Variants in SHANK2 observed in about 807,000 individuals in gnomAD.
The protein encoded by SHANK2 is SH3 and multiple ankyrin repeat domains protein 2.
SHANK2 carries 43 observed loss-of-function variants against 133.7 expected under a neutral mutation model. That is an observed-to-expected ratio of 0.32 (90% CI 0.25 to 0.41). The LOEUF is 0.41. Ranked by LOEUF, SHANK2 falls within the 10% of genes least tolerant of loss-of-function variation. SHANK2 has a pLI of 1.00. For missense variants in SHANK2, 1,994 were observed against 2,235.8 expected (o/e 0.89, Z 2.18); for synonymous variants, 1,017 against 952.8 (o/e 1.07, Z -1.24).
chr11:71,210,501 C>T (rs1489108718), intron 2 of SHANK2, among the ~76,000 whole-genome samples: 4 of 151,808 alleles, frequency 2.6e-5, no homozygotes, highest in African/African-American at 9.7e-5. Context: ...CCACCCACCT[C>T]GGCCTCCCAA....
intron 17 of SHANK2, among the ~76,000 whole-genome samples, chr11:70,632,823 C>T (rs782009032): frequency 4.2e-4 from 64 of 152,098 alleles, no homozygotes; most frequent in African/African-American, 1.5e-3. Context: ...GAAGGTAACT[C>T]GGGGGAAGAG....
chr11:70,824,222 C>T (rs1555056737), intron 11 of SHANK2, among the ~76,000 whole-genome samples: 4 of 152,028 alleles, frequency 2.6e-5, no homozygotes, highest in African/African-American at 7.3e-5. Flanking sequence ...GGAGACAGAG[C>T]TAGAGCCAAG....
intron 8 of SHANK2, among the ~76,000 whole-genome samples, chr11:71,089,616 T>C (rs1042291744): frequency 5.5e-4 from 83 of 150,682 alleles, no homozygotes; most frequent in African/African-American, 1.8e-3. Flanking sequence ...CGTTTGTGGC[T>C]GATGAGCACC....
At chr11:70,682,715 A>T in intron 15 of SHANK2, among the ~76,000 whole-genome samples, 1 of 152,184 alleles carries the variant, frequency 6.6e-6, no homozygotes, top group East Asian at 1.9e-4. Flanking sequence ...GCCACAGAGA[A>T]GGAGGCCTGG....
intron 11 of SHANK2, among the ~76,000 whole-genome samples, chr11:70,860,562 C>T (rs1209563117): frequency 6.6e-6 from 1 of 152,202 alleles, no homozygotes; most frequent in Non-Finnish European, 1.5e-5. Context: ...GGGACTCAGT[C>T]TTGCTTTTCT....
At chr11:71,205,435 C>T (rs1479243890) in intron 2 of SHANK2, among the ~76,000 whole-genome samples, 1 of 152,242 alleles carries the variant, frequency 6.6e-6, no homozygotes, top group Non-Finnish European at 1.5e-5. Flanking sequence ...AGAACCTCCA[C>T]CCTCCAGCTC....
At chr11:70,763,720 G>C (rs1947045091) in intron 14 of SHANK2, among the ~76,000 whole-genome samples, 1 of 152,180 alleles carries the variant, frequency 6.6e-6, no homozygotes, top group South Asian at 2.1e-4. Flanking sequence ...CTGCAATAAA[G>C]AGCAGGCAGG....
intron 18 of SHANK2, 61 bp downstream of exon 18, chr11:70,502,735 G>GCCCCCCCCCCCCCCC: frequency 2.4e-6 from 1 of 418,836 alleles, no homozygotes; most frequent in Non-Finnish European, 3.8e-6. Context: ...TGTCCTGCCC[G>GCCCCCCCCCCCCCCC]CCCCCACCCC....
At chr11:71,225,307 C>T (rs545122510) in intron 1 of SHANK2, among the ~76,000 whole-genome samples, 2 of 152,298 alleles carry the variant, frequency 1.3e-5, no homozygotes, top group East Asian at 3.9e-4. Context: ...AGATTTCCAC[C>T]CTGTGTGGCT....
chr11:71,181,372 G>A (rs1555113727), intron 2 of SHANK2, among the ~76,000 whole-genome samples: 1 of 152,158 alleles, frequency 6.6e-6, no homozygotes, highest in African/African-American at 2.4e-5. Context: ...GGTGACATGT[G>A]CCTGCAGACC....
chr11:70,802,148 C>A (rs1948060039), intron 13 of SHANK2, among the ~76,000 whole-genome samples: 1 of 152,146 alleles, frequency 6.6e-6, no homozygotes, highest in Non-Finnish European at 1.5e-5. Context: ...CCTGGGAAAC[C>A]TGGCTAGAAA....
chr11:70,741,278 TCCA>T (rs1555034710), intron 14 of SHANK2, among the ~76,000 whole-genome samples: 1 of 150,842 alleles, frequency 6.6e-6, no homozygotes, highest in African/African-American at 2.4e-5. Context: ...CATCCATCCA[TCCA>T]TTCATCCATC....
At chr11:70,884,707 G>A (rs1247223692) in intron 11 of SHANK2, among the ~76,000 whole-genome samples, 2 of 152,136 alleles carry the variant, frequency 1.3e-5, no homozygotes, top group South Asian at 2.1e-4. Context: ...TGTAGAACAC[G>A]ATGGGTATCT....
At chr11:70,722,661 A>G (rs1037335250) in intron 14 of SHANK2, among the ~76,000 whole-genome samples, 1 of 152,336 alleles carries the variant, frequency 6.6e-6, no homozygotes, top group African/African-American at 2.4e-5. Flanking sequence ...CAATGTGTCT[A>G]TTAGAGGTGA....
At chr11:70,741,245 ATCC>A (rs1555034693) in intron 14 of SHANK2, among the ~76,000 whole-genome samples, 1 of 143,860 alleles carries the variant, frequency 7.0e-6, no homozygotes, top group African/African-American at 2.5e-5. Flanking sequence ...CCATCCATCC[ATCC>A]ATCCATCCAT....
intron 2 of SHANK2, among the ~76,000 whole-genome samples, chr11:71,213,951 A>G (rs1481846581): frequency 6.6e-6 from 1 of 152,036 alleles, no homozygotes; most frequent in African/African-American, 2.4e-5. Flanking sequence ...GCACAAGCCA[A>G]CCACCCCTTT....
chr11:70,873,232 G>A, intron 11 of SHANK2: 7 of 425,062 alleles, frequency 1.6e-5, no homozygotes, highest in South Asian at 1.2e-4. Context: ...CCTTTCAAAT[G>A]CATTTGATAC....
chr11:70,484,161 C>T (rs1038589478), intron 25 of SHANK2, among the ~76,000 whole-genome samples: 5 of 152,348 alleles, frequency 3.3e-5, no homozygotes, highest in Admixed American at 2.0e-4. Flanking sequence ...TAAGCCATCA[C>T]GGGAGCCAAT....
chr11:70,651,970 C>T (rs370304529), intron 17 of SHANK2, among the ~76,000 whole-genome samples: 2 of 152,194 alleles, frequency 1.3e-5, no homozygotes, highest in Admixed American at 6.5e-5. Flanking sequence ...CACAATACCC[C>T]AAAAGGAAAG....
Sources: gnomAD v4.1 joint callset for allele counts (sites outside exome capture counted in the v4.1 genomes callset) on GRCh38, gnomAD v4.1.1 for gene constraint, MANE v1.5 for transcripts, NCBI Gene and HGNC (gene_info 2026-07-23, HGNC 2026-07-21) for gene names.